The following CHST12 variants were observed in gnomAD, a reference collection of about 807,000 sequenced individuals.
CHST12 encodes the protein carbohydrate sulfotransferase 12.
Under a neutral mutation model 27.9 loss-of-function variants are expected in CHST12, and 23 were observed. That is an observed-to-expected ratio of 0.82 (90% confidence interval 0.59 to 1.17). CHST12 has a LOEUF of 1.17. CHST12 is among the 50% of genes most tolerant of loss of function. CHST12 has a pLI of 0.00. For missense variants in CHST12, 682 were observed against 603.0 expected (o/e 1.13, Z -1.37); for synonymous variants, 322 against 273.0 (o/e 1.18, Z -1.77).
At chr7:2,404,643 G>C (rs1781474870) in intron 1 of CHST12, among the ~76,000 whole-genome samples, 1 of 152,246 alleles carries the variant, frequency 6.6e-6, no homozygotes, top group African/African-American at 2.4e-5. Context: ...GGTGTTGGGA[G>C]TCAGGGCTGG....
intron 1 of CHST12, among the ~76,000 whole-genome samples, chr7:2,423,487 C>T (rs1246415442): frequency 2.6e-5 from 4 of 152,042 alleles, no homozygotes; most frequent in African/African-American, 7.2e-5. Flanking sequence ...CTCACGTTTT[C>T]GTGATTTCTG....
At chr7:2,403,889 C>T (rs1305103430) in intron 1 of CHST12, among the ~76,000 whole-genome samples, 1 of 152,106 alleles carries the variant, frequency 6.6e-6, no homozygotes, top group African/African-American at 2.4e-5. Context: ...TCTCTGAGCC[C>T]CGCTCGTCGT....
chr7:2,426,772 C>T (rs562015127), intron 1 of CHST12, among the ~76,000 whole-genome samples: 1 of 152,040 alleles, frequency 6.6e-6, no homozygotes, highest in Non-Finnish European at 1.5e-5. Flanking sequence ...AGGTGGATCA[C>T]TTGAGGTCAG....
chr7:2,417,515 A>G (rs1315441306), intron 1 of CHST12, among the ~76,000 whole-genome samples: 1 of 149,268 alleles, frequency 6.7e-6, no homozygotes, highest in African/African-American at 2.5e-5. Context: ...TCAACCTCCC[A>G]TGTAGCTGGA....
intron 1 of CHST12, among the ~76,000 whole-genome samples, chr7:2,409,208 G>T (rs1781601429): frequency 6.6e-6 from 1 of 152,206 alleles, no homozygotes; most frequent in Non-Finnish European, 1.5e-5. Flanking sequence ...GAAGGTGTGG[G>T]GAGGAGAGCG....
Position 2,441,718 on chromosome 7 carries a change from T to G in CHST12, c.*7834T>G, listed in dbSNP as rs114296886. ...AAAAAAAAAAAAAAAAAAAAAGGTG[T>G]TGTATTTTATCATTAGAAGGCCATC... is the stretch of plus-strand genomic sequence containing the variant. On this transcript the variant is annotated 3_prime_UTR_variant, in exon 2 of 2. Coordinates refer to ENST00000618655, the MANE Select transcript of CHST12 (RefSeq NM_018641.5). 249 of 150,306 alleles carry G rather than the reference T, an allele frequency of 1.7e-3. No individual in the cohort carries two copies. The highest frequency in any genetic ancestry group is 5.9e-3 in the African/African-American group (240 of 40,960). 9.3% of individuals were successfully genotyped at this position (150,306 alleles called of 1,614,324 possible).
chr7:2,425,817 T>C (rs1409873161), intron 1 of CHST12, among the ~76,000 whole-genome samples: 3 of 152,000 alleles, frequency 2.0e-5, no homozygotes, highest in African/African-American at 4.8e-5. Flanking sequence ...CTTATCCCAC[T>C]ATACGTTTCC....
chr7:2,420,392 T>G (rs751745443), intron 1 of CHST12, among the ~76,000 whole-genome samples: 11 of 152,216 alleles, frequency 7.2e-5, no homozygotes, highest in Non-Finnish European at 1.5e-4. Flanking sequence ...TTCTACTACA[T>G]GGGTTGACCA....
In CHST12 at chr7:2,433,375, G is replaced by A. The variant is rs771388136; in HGVS notation, c.736G>A (p.Asp246Asn). 9 of 1,610,544 alleles carry A rather than the reference G, an allele frequency of 5.6e-6. No individual in the cohort carries two copies. Among genetic ancestry groups the A allele is most frequent in the South Asian group, 1.1e-5 (1 of 91,084 alleles). The change falls in exon 2 of 2, where the codon GAC becomes AAC. Residue 246 changes from aspartate to asparagine, a missense_variant. Physicochemically the swap from Asp to Asn is conservative, Grantham distance 23. Transcript: ENST00000618655. This position sits in a 1 kb window ranked among gnomAD's most constrained non-coding sequence, Gnocchi z 6.1. ...KKYTKFLFVR[D>N]PFVRLISAFR... ...GTACACCAAGTTCCTCTTCGTGCGC[G>A]ACCCCTTCGTGCGCCTGATCTCCGC... is the stretch of plus-strand genomic sequence containing the variant.
In CHST12 at chr7:2,433,956, C is replaced by A. The variant is rs868441735; in HGVS notation, c.*72C>A. ...CGCACTCCAGTTTTTTTATGACCTA[C>A]GATTTTGCAATCTGGGCTTCTTGTT... is the stretch of plus-strand genomic sequence containing the variant. On this transcript the variant is annotated 3_prime_UTR_variant, in exon 2 of 2. Transcript: ENST00000618655. This position sits in a 1 kb window ranked among gnomAD's most constrained non-coding sequence, Gnocchi z 6.1. 2 of 1,353,114 alleles carry A rather than the reference C, an allele frequency of 1.5e-6. No individual in the cohort carries two copies. The highest frequency in any genetic ancestry group is 1.4e-5 in the South Asian group (1 of 71,488). The allele number at this position is 1,353,114 out of a possible 1,614,324, so 83.8% of individuals were successfully genotyped here. A position where few individuals can be genotyped will look rare whatever the true frequency, so the allele number is the denominator to read the frequency against.
intron 1 of CHST12, among the ~76,000 whole-genome samples, chr7:2,416,683 T>C (rs1781817203): frequency 6.6e-6 from 1 of 152,212 alleles, no homozygotes. Flanking sequence ...ATCTGTGGCC[T>C]GTGTGCTTTT....
rs764346650 is a variant in CHST12 at position 2,433,396 on chromosome 7, T to C, written c.757T>C (p.Ser253Pro). Residue 253 changes from serine (S) to proline (P), a missense_variant, in exon 2 of 2, where the codon TCC becomes CCC. By Grantham distance (74) the Ser-to-Pro change is moderately conservative. Coordinates refer to ENST00000618655, the MANE Select transcript of CHST12 (RefSeq NM_018641.5). This position sits in a 1 kb window ranked among gnomAD's most constrained non-coding sequence, Gnocchi z 6.1. Reference protein sequence around the residue: ...FVRDPFVRLISAFRSKFELEN... With the variant: ...FVRDPFVRLIPAFRSKFELEN... ...GCGCGACCCCTTCGTGCGCCTGATCTCCGCCTTCCGCAGCAAGTTCGAGCT... is the reference window on the plus strand; with the variant it reads ...GCGCGACCCCTTCGTGCGCCTGATCCCCGCCTTCCGCAGCAAGTTCGAGCT... The C allele has an allele frequency of 6.2e-7, 1 of 1,609,474 alleles. No individual in the cohort carries two copies. The highest frequency in any genetic ancestry group is 8.5e-7 in the Non-Finnish European group (1 of 1,179,896).
At chr7:2,424,763 GCA>G (rs1430321880) in intron 1 of CHST12, among the ~76,000 whole-genome samples, 6 of 152,152 alleles carry the variant, frequency 3.9e-5, no homozygotes, top group African/African-American at 1.2e-4. Flanking sequence ...GGAGTTTGAG[GCA>G]CCAACAGAAA....
rs1160425949 is a variant in CHST12 at position 2,432,601 on chromosome 7, G to T, written c.-39G>T. ...TGCCCCGGCTCTGCAGGAAGCTGAAGTGAGAGGCCCGGAGAGGGCCCAGCC... is the reference window on the plus strand; with the variant it reads ...TGCCCCGGCTCTGCAGGAAGCTGAATTGAGAGGCCCGGAGAGGGCCCAGCC... On this transcript the variant is annotated 5_prime_UTR_variant, in exon 2 of 2. Transcript: ENST00000618655. 6.4e-7 allele frequency: 1 copy of T among 1,573,762 alleles called. No homozygotes were observed.
rs988902221 is a variant in CHST12, at chr7:2,445,430, C to A, written c.*11546C>A. The A allele has an allele frequency of 1.3e-5, 2 of 152,266 alleles. No homozygotes were observed. Among genetic ancestry groups the A allele is most frequent in the African/African-American group, 2.4e-5 (1 of 41,460 alleles). The allele number at this position is 152,266 out of a possible 1,614,324, so 9.4% of individuals were successfully genotyped here. On this transcript the variant is annotated 3_prime_UTR_variant, in exon 2 of 2. Transcript: ENST00000618655. ...TCTCTTGGTGAGAGGGCCACGGTTC[C>A]TTCAGTTTCTCCGTTCCTACGGGCC...
At position 2,435,612 on chromosome 7, in the gene CHST12, A is replaced by G. The variant is rs1176690942; in HGVS notation, c.*1728A>G. The G allele has an allele frequency of 6.6e-6, 1 of 152,122 alleles. No individual in the cohort carries two copies. Among genetic ancestry groups the G allele is most frequent in the Non-Finnish European group, 1.5e-5 (1 of 68,066 alleles). 9.4% of individuals were successfully genotyped at this position (152,122 alleles called of 1,614,324 possible). A position where few individuals can be genotyped will look rare whatever the true frequency, so the allele number is the denominator to read the frequency against. Reference sequence around the variant, plus strand: ...TTGACCTGTCTTCCTCGTGTGTGGTATTTGTCACCACTGCCCAGTCCCTGG... The same window carrying G: ...TTGACCTGTCTTCCTCGTGTGTGGTGTTTGTCACCACTGCCCAGTCCCTGG... On this transcript the variant is annotated 3_prime_UTR_variant, in exon 2 of 2. Transcript: ENST00000618655.
rs948563167 is a variant in CHST12, at chr7:2,444,768, C to T, written c.*10884C>T. 6.6e-6 allele frequency: 1 copy of T among 152,264 alleles called. No homozygotes were observed. Among genetic ancestry groups the T allele is most frequent in the Non-Finnish European group, 1.5e-5 (1 of 68,074 alleles). The allele number at this position is 152,264 out of a possible 1,614,324, so 9.4% of individuals were successfully genotyped here. On this transcript the variant is annotated 3_prime_UTR_variant, in exon 2 of 2. Coordinates refer to ENST00000618655, the MANE Select transcript of CHST12 (RefSeq NM_018641.5). Reference sequence around the variant, plus strand: ...GAGGCTACAAGGCAAAAATCCCCTACTCCCCCTGGGCTCCTTCACAGTTTG... The same window carrying T: ...GAGGCTACAAGGCAAAAATCCCCTATTCCCCCTGGGCTCCTTCACAGTTTG...
In CHST12 at chr7:2,433,215, C is replaced by T. The variant is rs1419402633; in HGVS notation, c.576C>T (p.Arg192=). ...TGCTGAGCGGAAGCCTGCTGCACCG[C>T]GGTGCGCCCTACCGCGACCCGCTGC... ...MIVLSGSLLH[R]GAPYRDPLRI... Residue 192 remains arginine (R), a synonymous_variant, in exon 2 of 2, where the codon CGC becomes CGT. Coordinates refer to ENST00000618655, the MANE Select transcript of CHST12 (RefSeq NM_018641.5). The surrounding 1 kb of genome is among the most constrained non-coding windows in gnomAD (Gnocchi z 6.1). 1.7e-5 allele frequency: 27 copies of T among 1,612,680 alleles called. No individual in the cohort carries two copies. The highest frequency in any genetic ancestry group is 2.2e-5 in the South Asian group (2 of 91,052).
rs952337987 is a variant in CHST12 at position 2,440,063 on chromosome 7, A to G, written c.*6179A>G. On this transcript the variant is annotated 3_prime_UTR_variant, in exon 2 of 2. Coordinates refer to ENST00000618655, the MANE Select transcript of CHST12 (RefSeq NM_018641.5). ...ATCTCTGATGGGGAGGCTAATGAAG[A>G]AAGGACACCTGGTTTGAAGGCTTCT... 5 of 152,112 alleles carry G rather than the reference A, an allele frequency of 3.3e-5. No homozygotes were observed. Among genetic ancestry groups the G allele is most frequent in the African/African-American group, 1.2e-4 (5 of 41,406 alleles). 9.4% of individuals were successfully genotyped at this position (152,112 alleles called of 1,614,324 possible). A position where few individuals can be genotyped will look rare whatever the true frequency, so the allele number is the denominator to read the frequency against.
Sources: gnomAD v4.1 joint callset for allele counts (sites outside exome capture counted in the v4.1 genomes callset) on GRCh38, gnomAD v4.1.1 for gene constraint, Gnocchi (gnomAD v3.1) non-coding constraint, MANE v1.5 for transcripts, NCBI Gene and HGNC (gene_info 2026-07-23, HGNC 2026-07-21) for gene names.